GTF2F2: variants seen among roughly 807,000 people sequenced by gnomAD.
GTF2F2 encodes general transcription factor IIF subunit 2, also known as ATP-dependent helicase GTF2F2.
Under a neutral mutation model 42.2 loss-of-function variants are expected in GTF2F2, and 23 were observed. The observed-to-expected ratio is 0.55, with a 90% confidence interval of 0.39 to 0.77. The LOEUF (loss-of-function observed/expected upper bound fraction) is 0.77, where lower values mean the gene tolerates loss of function less well. GTF2F2 is among the 30% of genes least tolerant of loss of function. GTF2F2 has a pLI of 0.00. For synonymous variants in GTF2F2, 105 were observed against 100.8 expected, an observed-to-expected ratio of 1.04 and a Z score of -0.25; for missense variants, 261 against 287.2, an observed-to-expected ratio of 0.91 and a Z score of 0.66.
intron 6 of GTF2F2, among the ~76,000 whole-genome samples, chr13:45,258,926 A>C (rs899029987): frequency 2.6e-5 from 4 of 152,224 alleles, no homozygotes; most frequent in African/African-American, 9.6e-5. Context: ...GAATCCAAGT[A>C]AGGGCGACTC....
chr13:45,140,325 T>C (rs1227112511), intron 2 of GTF2F2, among the ~76,000 whole-genome samples: 6 of 152,208 alleles, frequency 3.9e-5, no homozygotes, highest in Non-Finnish European at 1.5e-5. Flanking sequence ...GGGGGCCAAC[T>C]GTAATATCTC....
chr13:45,203,297 C>A (rs1170301715), intron 4 of GTF2F2, among the ~76,000 whole-genome samples: 22 of 150,144 alleles, frequency 1.5e-4, no homozygotes. Flanking sequence ...GTTGCCTGGG[C>A]TAGTCTCAAA....
chr13:45,250,341 C>T (rs1875827366), intron 5 of GTF2F2, among the ~76,000 whole-genome samples: 1 of 152,280 alleles, frequency 6.6e-6, no homozygotes, highest in East Asian at 1.9e-4. Flanking sequence ...CCACTACACC[C>T]AGCCTGCCTT....
At chr13:45,183,153 G>A (rs896949115) in intron 4 of GTF2F2, among the ~76,000 whole-genome samples, 12 of 152,226 alleles carry the variant, frequency 7.9e-5, no homozygotes, top group African/African-American at 2.9e-4. Flanking sequence ...AGGTTGCTTG[G>A]TTGCTGTGTG....
At chr13:45,264,210 A>G (rs950378929) in intron 6 of GTF2F2, among the ~76,000 whole-genome samples, 12 of 152,154 alleles carry the variant, frequency 7.9e-5, no homozygotes, top group Middle Eastern at 3.4e-3. Flanking sequence ...AAGCACCAAC[A>G]TTAACTTCAA....
intron 5 of GTF2F2, among the ~76,000 whole-genome samples, chr13:45,214,997 C>A (rs188435432): frequency 7.9e-5 from 12 of 152,136 alleles, no homozygotes; most frequent in African/African-American, 2.9e-4. Flanking sequence ...CCTAAGAAAA[C>A]CCTTTTCCTA....
At chr13:45,194,186 A>T (rs2138173180) in intron 4 of GTF2F2, 1 of 1,614,020 alleles carries the variant, frequency 6.2e-7, no homozygotes, top group Non-Finnish European at 8.5e-7. Flanking sequence ...TCCCACCTGG[A>T]TTTCACTTCC....
At chr13:45,127,530 T>A (rs1490026995) in intron 1 of GTF2F2, among the ~76,000 whole-genome samples, 1 of 148,006 alleles carries the variant, frequency 6.8e-6, no homozygotes, top group Non-Finnish European at 1.5e-5. Context: ...GGTTTCACCA[T>A]GTTGCCCAGG....
At chr13:45,160,674 TGTTAA>T (rs1870993502) in intron 4 of GTF2F2, among the ~76,000 whole-genome samples, 1 of 152,172 alleles carries the variant, frequency 6.6e-6, no homozygotes, top group African/African-American at 2.4e-5. Context: ...ATAGGGGAGC[TGTTAA>T]GTTTATGGTG....
intron 6 of GTF2F2, among the ~76,000 whole-genome samples, chr13:45,253,294 CTAAA>C (rs1389874849): frequency 7.9e-5 from 12 of 152,198 alleles, no homozygotes; most frequent in Non-Finnish European, 1.6e-4. Context: ...AATGTACTAA[CTAAA>C]TATTAGTTTT....
chr13:45,184,799 A>G (rs1031987857), intron 4 of GTF2F2, among the ~76,000 whole-genome samples: 1 of 151,992 alleles, frequency 6.6e-6, no homozygotes, highest in Non-Finnish European at 1.5e-5. Context: ...TATATATTTT[A>G]TACAAGCACA....
chr13:45,247,077 C>T (rs924641167), intron 5 of GTF2F2, among the ~76,000 whole-genome samples: 1 of 148,498 alleles, frequency 6.7e-6, no homozygotes, highest in African/African-American at 2.5e-5. Flanking sequence ...TGGCTGGGCA[C>T]TGCGGCTCAC....
intron 5 of GTF2F2, among the ~76,000 whole-genome samples, chr13:45,246,410 C>T (rs1239923576): frequency 6.6e-6 from 1 of 152,100 alleles, no homozygotes; most frequent in African/African-American, 2.4e-5. Flanking sequence ...TCTCCTTTAT[C>T]TTACTTAGGC....
intron 4 of GTF2F2, among the ~76,000 whole-genome samples, chr13:45,162,921 A>AC (rs777965426): frequency 1.1e-5 from 1 of 92,780 alleles, no homozygotes; most frequent in East Asian, 3.9e-4. Context: ...ATTTCTCCCC[A>AC]CCCCCCACCC....
At chr13:45,260,907 T>C (rs944177370) in intron 6 of GTF2F2, among the ~76,000 whole-genome samples, 2 of 152,096 alleles carry the variant, frequency 1.3e-5, no homozygotes, top group African/African-American at 4.8e-5. Flanking sequence ...GGCATGCCCC[T>C]GTAGTTCCTG....
intron 1 of GTF2F2, chr13:45,123,205 ATGTCCCTCCCGAAGCTGCACGCT>A (rs1363100610): frequency 6.6e-6 from 1 of 152,350 alleles, no homozygotes; most frequent in Non-Finnish European, 1.5e-5. Context: ...TGCTCCATGT[ATGTCCCTCCCGAAGCTGCACGCT>A]TGACCAAAGA....
intron 4 of GTF2F2, chr13:45,193,180 A>G (rs931712908): frequency 6.6e-6 from 1 of 152,270 alleles, no homozygotes; most frequent in Admixed American, 6.5e-5. Context: ...CAATTCAGCT[A>G]TAAGTCTAAT....
intron 5 of GTF2F2, among the ~76,000 whole-genome samples, chr13:45,229,697 C>A (rs1456063195): frequency 6.6e-6 from 1 of 151,886 alleles, no homozygotes; most frequent in African/African-American, 2.4e-5. Flanking sequence ...GGAAACCTGG[C>A]CAGAAGAAAA....
intron 4 of GTF2F2, among the ~76,000 whole-genome samples, chr13:45,205,106 A>C (rs1873359359): frequency 6.6e-6 from 1 of 152,222 alleles, no homozygotes; most frequent in African/African-American, 2.4e-5. Flanking sequence ...ACTTAGTAAA[A>C]GGTAGCTATA....
Sources: gnomAD v4.1 joint callset for allele counts (sites outside exome capture counted in the v4.1 genomes callset) on GRCh38, gnomAD v4.1.1 for gene constraint, MANE v1.5 for transcripts, NCBI Gene and HGNC (gene_info 2026-07-23, HGNC 2026-07-21) for gene names.